SLC16A12: variants seen among roughly 807,000 people sequenced by gnomAD.
The protein encoded by SLC16A12 is monocarboxylate transporter 12.
Under a neutral mutation model 42.4 loss-of-function variants are expected in SLC16A12, and 17 were observed. The ratio of observed to expected loss-of-function variants is 0.40; its 90% CI spans 0.27 to 0.60. SLC16A12 has a LOEUF of 0.60. SLC16A12 is among the 20% of genes least tolerant of loss of function. SLC16A12 has a pLI of 0.42. For missense variants in SLC16A12, 544 were observed against 623.0 expected (o/e 0.87, Z 1.35); for synonymous variants, 224 against 229.4 (o/e 0.98, Z 0.21).
chr10:89,448,227 G>T (rs964832609), intron 3 of SLC16A12, among the ~76,000 whole-genome samples: 1 of 152,148 alleles, frequency 6.6e-6, no homozygotes, highest in Non-Finnish European at 1.5e-5. Context: ...CCAATCAGGA[G>T]AATAACAGGG....
intron 2 of SLC16A12, among the ~76,000 whole-genome samples, chr10:89,472,463 T>TTTTTC (rs1204502932): frequency 2.0e-5 from 3 of 151,380 alleles, no homozygotes; most frequent in East Asian, 1.9e-4. Flanking sequence ...ACTTCTTTCT[T>TTTTTC]TTTTCTTTTC....
intron 2 of SLC16A12, among the ~76,000 whole-genome samples, chr10:89,531,896 T>G (rs1446203838): frequency 6.6e-6 from 1 of 152,224 alleles, no homozygotes; most frequent in Non-Finnish European, 1.5e-5. Context: ...GCCTGCCTGC[T>G]CTCTCTTCTT....
intron 3 of SLC16A12, among the ~76,000 whole-genome samples, chr10:89,450,073 C>G (rs1427304549): frequency 6.6e-6 from 1 of 152,202 alleles, no homozygotes. Flanking sequence ...CCATCTCACA[C>G]CAGTTAGAAT....
In SLC16A12 at chr10:89,462,540, C is replaced by A. The variant is rs745442164; in HGVS notation, c.39G>T (p.Lys13Asn). The change falls in exon 3 of 8, where the codon AAG becomes AAT. Residue 13 changes from lysine to asparagine, a missense_variant. Coordinates refer to ENST00000371790, the MANE Select transcript of SLC16A12 (RefSeq NM_213606.4). ...GTTGCTCCAACAGCCAAGTTATGATCTTGGAAGAGTTTGCTGTCCAGTGAC... is the reference window on the plus strand; with the variant it reads ...GTTGCTCCAACAGCCAAGTTATGATATTGGAAGAGTTTGCTGTCCAGTGAC... ...SGSHWTANSS[K>N]IITWLLEQPG... 6.2e-7 allele frequency: 1 copy of A among 1,612,662 alleles called. No individual in the cohort carries two copies. The highest frequency in any genetic ancestry group is 1.1e-5 in the South Asian group (1 of 91,040).
chr10:89,505,566 G>A (rs1407523871), intron 2 of SLC16A12, among the ~76,000 whole-genome samples: 2 of 152,112 alleles, frequency 1.3e-5, no homozygotes, highest in Non-Finnish European at 2.9e-5. Context: ...CATCTCACTG[G>A]GACTGATTGG....
rs11203127 is a variant in SLC16A12 at position 89,443,020 on chromosome 10, G to A, written c.304+736C>T. Among the ~76,000 whole-genome samples the A allele has an allele frequency of 1.4e-3, 219 of 152,222 alleles. 6 individuals carry two copies. In the East Asian group the frequency reaches 0.031, roughly 21 times the overall value. ...CTCTCTAAGACATCAATTTAATAAC[G>A]TGAGTTTGAAATTTATTTTAAACAA... On this transcript the variant is annotated intron_variant, in intron 4 of 7. Transcript: ENST00000371790.
Position 89,462,620 on chromosome 10 carries a change from G to A in SLC16A12, c.-42C>T, listed in dbSNP as rs767604620. Reference sequence around the variant, plus strand: ...ACGCTACCTGGCCCATGGGTTACTCGCCATCTAAAACCAAAAATCAGGACA... The same window carrying A: ...ACGCTACCTGGCCCATGGGTTACTCACCATCTAAAACCAAAAATCAGGACA... On this transcript the variant is annotated 5_prime_UTR_variant, in exon 3 of 8. Coordinates refer to ENST00000371790, the MANE Select transcript of SLC16A12 (RefSeq NM_213606.4). 1.7e-5 allele frequency: 26 copies of A among 1,550,032 alleles called. No individual in the cohort carries two copies. The highest frequency in any genetic ancestry group is 2.7e-5 in the African/African-American group (2 of 72,878).
chr10:89,525,480 A>G (rs1288203577), intron 2 of SLC16A12, among the ~76,000 whole-genome samples: 3 of 152,228 alleles, frequency 2.0e-5, no homozygotes, highest in Non-Finnish European at 4.4e-5. Flanking sequence ...TAACGAAAGA[A>G]GTCAATCTCA....
At chr10:89,483,755 A>C (rs556193842) in intron 2 of SLC16A12, among the ~76,000 whole-genome samples, 1,940 of 118,132 alleles carry the variant, frequency 0.016, 52 homozygotes, top group African/African-American at 0.053. Flanking sequence ...AAAAAAAAAC[A>C]AAAAAAAAAA....
intron 2 of SLC16A12, among the ~76,000 whole-genome samples, chr10:89,493,981 C>G (rs1346335421): frequency 6.7e-6 from 1 of 150,088 alleles, no homozygotes; most frequent in Non-Finnish European, 1.5e-5. Flanking sequence ...AGCCACAATA[C>G]ATATTAGAAA....
At chr10:89,475,622 C>T (rs757509493) in intron 2 of SLC16A12, among the ~76,000 whole-genome samples, 1 of 152,076 alleles carries the variant, frequency 6.6e-6, no homozygotes, top group Non-Finnish European at 1.5e-5. Flanking sequence ...CAAACAAATC[C>T]TGGTAACGGG....
chr10:89,495,087 G>A (rs1842904637), intron 2 of SLC16A12, among the ~76,000 whole-genome samples: 1 of 152,032 alleles, frequency 6.6e-6, no homozygotes, highest in Non-Finnish European at 1.5e-5. Flanking sequence ...AGTGGCTCAT[G>A]CCCCTGTAAT....
At position 89,438,813 on chromosome 10, in the gene SLC16A12, T is replaced by C. The variant is rs1440670643; in HGVS notation, c.819A>G (p.Gln273=). Residue 273 remains glutamine, a synonymous_variant, in exon 6 of 8, where the codon CAA becomes CAG. Transcript: ENST00000371790. ...AQTCLCCCLQ[Q]EYSFLLMSDF... is the part of the protein sequence containing the mutation. ...CTGACATGAGTAAAAAACTGTACTC[T>C]TGCTGCAAACAGCAACAGAGGCAAG... The C allele has an allele frequency of 3.1e-6, 5 of 1,614,190 alleles. No homozygotes were observed. In the South Asian group the frequency reaches 4.4e-5, roughly 14 times the overall value.
chr10:89,539,898 T>TTTCTTTCTTTCC (rs1564604801), upstream of SLC16A12, among the ~76,000 whole-genome samples: 5 of 148,076 alleles, frequency 3.4e-5, no homozygotes, highest in Admixed American at 2.0e-4. Context: ...TCTTTCTTTC[T>TTTCTTTCTTTCC]TTCTTTCTTT....
upstream of SLC16A12, among the ~76,000 whole-genome samples, chr10:89,539,283 C>T (rs1266165042): frequency 6.6e-6 from 1 of 152,182 alleles, no homozygotes; most frequent in Non-Finnish European, 1.5e-5. Flanking sequence ...GTCAGCTGAT[C>T]TGGTACCTCC....
chr10:89,490,170 T>G (rs917940657), intron 2 of SLC16A12, among the ~76,000 whole-genome samples: 2 of 152,190 alleles, frequency 1.3e-5, no homozygotes, highest in African/African-American at 2.4e-5. Flanking sequence ...GCCTGAAGAT[T>G]GTAAAATCAT....
intron 2 of SLC16A12, among the ~76,000 whole-genome samples, chr10:89,551,814 T>TA (rs1202595256): frequency 6.6e-6 from 1 of 152,264 alleles, no homozygotes; most frequent in Non-Finnish European, 1.5e-5. Context: ...TGTGGAACTG[T>TA]AAGTCCAATT....
intron 2 of SLC16A12, among the ~76,000 whole-genome samples, chr10:89,525,733 G>A (rs1437777476): frequency 6.6e-6 from 1 of 152,140 alleles, no homozygotes; most frequent in Non-Finnish European, 1.5e-5. Context: ...AGAGCCGGCT[G>A]GCATTGAGGG....
intron 3 of SLC16A12, among the ~76,000 whole-genome samples, chr10:89,459,415 A>G (rs78673998): frequency 0.042 from 6,329 of 151,682 alleles, 438 homozygotes; most frequent in African/African-American, 0.14. Context: ...GTGTGTGTGT[A>G]GTGTGTATGC....
Sources: gnomAD v4.1 joint callset for allele counts (sites outside exome capture counted in the v4.1 genomes callset) on GRCh38, gnomAD v4.1.1 for gene constraint, MANE v1.5 for transcripts, NCBI Gene and HGNC (gene_info 2026-07-23, HGNC 2026-07-21) for gene names.